The following ACBD6 variants were observed in gnomAD, a reference collection of about 807,000 sequenced individuals.
ACBD6 encodes acyl-CoA-binding domain-containing protein 6.
A neutral mutation model predicts 37.2 loss-of-function variants in ACBD6; 28 were observed. The observed-to-expected ratio is 0.75, with a 90% confidence interval of 0.56 to 1.03. The LOEUF is 1.03. ACBD6 is among the 50% of genes least tolerant of loss of function. ACBD6 has a pLI of 0.00. For synonymous variants in ACBD6, 113 were observed against 126.8 expected, an observed-to-expected ratio of 0.89 and a Z score of 0.73; for missense variants, 340 against 337.4, an observed-to-expected ratio of 1.01 and a Z score of -0.06.
intron 7 of ACBD6, among the ~76,000 whole-genome samples, chr1:180,300,782 C>T (rs931890689): frequency 3.3e-5 from 5 of 152,050 alleles, no homozygotes; most frequent in African/African-American, 7.2e-5. Context: ...TAAAAGCACA[C>T]AGACAGAAAT....
chr1:180,349,318 C>T (rs895817049), intron 6 of ACBD6, among the ~76,000 whole-genome samples: 4 of 150,638 alleles, frequency 2.7e-5, no homozygotes, highest in Non-Finnish European at 3.0e-5. Flanking sequence ...GGCTCGCGGG[C>T]GATCTCGGCT....
intron 6 of ACBD6, among the ~76,000 whole-genome samples, chr1:180,397,165 T>C (rs889558891): frequency 1.3e-5 from 2 of 152,194 alleles, no homozygotes; most frequent in African/African-American, 4.8e-5. Flanking sequence ...CAAAACTTTA[T>C]GCTAAGTAAA....
At chr1:180,358,123 T>C (rs947002122) in intron 6 of ACBD6, among the ~76,000 whole-genome samples, 7 of 152,164 alleles carry the variant, frequency 4.6e-5, no homozygotes, top group African/African-American at 1.4e-4. Context: ...ACTTCTATCA[T>C]GTAATACAAA....
At chr1:180,272,087 C>CTTTATTTTTTTTTTTTTTTTTTTTTTTTT in intron 13 of ACBD6, 1 of 1,335,196 alleles carries the variant, frequency 7.5e-7, no homozygotes, top group South Asian at 1.4e-5. Context: ...CAGGAGGGAT[C>CTTTATTTTTTTTTTTTTTTTTTTTTTTTT]TTTCTTGAGG....
chr1:180,488,601 G>A (rs1651368124), intron 3 of ACBD6, among the ~76,000 whole-genome samples: 1 of 151,722 alleles, frequency 6.6e-6, no homozygotes, highest in Admixed American at 6.6e-5. Flanking sequence ...TTGAGATGGG[G>A]TCTCACTCTG....
intron 3 of ACBD6, among the ~76,000 whole-genome samples, chr1:180,491,811 A>T (rs2102089521): frequency 6.6e-6 from 1 of 152,098 alleles, no homozygotes; most frequent in South Asian, 2.1e-4. Flanking sequence ...ATTATTATTA[A>T]TTTTTTTCAT....
At chr1:180,368,100 G>T (rs1042844748) in intron 6 of ACBD6, among the ~76,000 whole-genome samples, 5 of 152,050 alleles carry the variant, frequency 3.3e-5, no homozygotes, top group African/African-American at 1.2e-4. Context: ...TGTGTGAGAC[G>T]GTATCTTGTG....
intron 6 of ACBD6, among the ~76,000 whole-genome samples, chr1:180,373,579 C>T (rs1226627942): frequency 6.6e-6 from 1 of 152,094 alleles, no homozygotes; most frequent in African/African-American, 2.4e-5. Flanking sequence ...AACCCATAAT[C>T]CATTGGGACC....
At position 180,397,639 on chromosome 1, in the gene ACBD6, T is replaced by A. The variant is rs751723048; in HGVS notation, c.574-34A>T. 24 of 1,516,690 alleles carry A rather than the reference T, an allele frequency of 1.6e-5. No homozygotes were observed. In the South Asian group the frequency reaches 2.7e-4, roughly 17 times the overall value. The allele number at this position is 1,516,690 out of a possible 1,614,324, so 94.0% of individuals were successfully genotyped here. A position where few individuals can be genotyped will look rare whatever the true frequency, so the allele number is the denominator to read the frequency against. On this transcript the variant is annotated intron_variant, in intron 5 of 7. Coordinates refer to ENST00000367595, the MANE Select transcript of ACBD6 (RefSeq NM_032360.4). ...ACAGAAGATAAATGAATTTGTTATC[T>A]CAGTTGTGGAGCCATGTAAAAGATA...
intron 7 of ACBD6, among the ~76,000 whole-genome samples, chr1:180,301,179 A>C (rs2149283706): frequency 6.6e-6 from 1 of 152,340 alleles, no homozygotes; most frequent in East Asian, 1.9e-4. Context: ...GCCTAGGTTT[A>C]GACTTTTTTG....
chr1:180,345,294 A>G (rs1319447781), intron 6 of ACBD6, among the ~76,000 whole-genome samples: 2 of 152,212 alleles, frequency 1.3e-5, no homozygotes, highest in African/African-American at 4.8e-5. Flanking sequence ...AATTATTTTC[A>G]TTCATATTCT....
chr1:180,451,071 A>G (rs1649684072), intron 3 of ACBD6, among the ~76,000 whole-genome samples: 1 of 152,218 alleles, frequency 6.6e-6, no homozygotes, highest in South Asian at 2.1e-4. Flanking sequence ...TCATTCTAAT[A>G]ATGAGATTAC....
intron 5 of ACBD6, among the ~76,000 whole-genome samples, chr1:180,401,284 A>C (rs1647347659): frequency 6.6e-6 from 1 of 152,332 alleles, no homozygotes; most frequent in Admixed American, 6.5e-5. Context: ...TACCTCAGAC[A>C]GATGAATGAC....
intron 9 of ACBD6, chr1:180,278,963 A>C (rs1649211387): frequency 6.6e-6 from 1 of 152,210 alleles, no homozygotes; most frequent in Non-Finnish European, 1.5e-5. Flanking sequence ...ATTATGTAAA[A>C]TAAATATGGA....
intron 7 of ACBD6, among the ~76,000 whole-genome samples, chr1:180,297,667 C>T (rs377569739): frequency 6.6e-6 from 1 of 152,026 alleles, no homozygotes; most frequent in African/African-American, 2.4e-5. Flanking sequence ...TTACCAAGGC[C>T]GAGGATTCAA....
At chr1:180,467,026 A>G (rs1306682996) in intron 3 of ACBD6, among the ~76,000 whole-genome samples, 3 of 152,282 alleles carry the variant, frequency 2.0e-5, no homozygotes, top group Admixed American at 1.3e-4. Context: ...TAAGGACTCT[A>G]GTATAGTTTT....
intron 5 of ACBD6, among the ~76,000 whole-genome samples, chr1:180,412,791 A>G (rs991378846): frequency 5.3e-5 from 8 of 152,122 alleles, no homozygotes; most frequent in African/African-American, 1.9e-4. Flanking sequence ...GCGTAAGCCC[A>G]TGGGTTTGAG....
chr1:180,367,828 T>C (rs1653105760), intron 6 of ACBD6, among the ~76,000 whole-genome samples: 1 of 152,230 alleles, frequency 6.6e-6, no homozygotes, highest in Non-Finnish European at 1.5e-5. Context: ...TCTTTGCTAT[T>C]GTGAATAGTA....
chr1:180,283,769 A>T (rs1316656424), downstream of ACBD6, among the ~76,000 whole-genome samples: 7 of 152,244 alleles, frequency 4.6e-5, no homozygotes, highest in South Asian at 1.0e-3. Flanking sequence ...GAGTATCCCT[A>T]ATCTGAAAAC....
Sources: allele counts gnomAD v4.1 joint callset (sites outside exome capture counted in the v4.1 genomes callset), GRCh38; gene constraint gnomAD v4.1.1; transcripts MANE v1.5; gene names NCBI Gene and HGNC (gene_info 2026-07-23, HGNC 2026-07-21).